The following AHCY variants were observed in gnomAD, a reference collection of about 807,000 sequenced individuals.
AHCY encodes the protein adenosylhomocysteinase, also known as S-adenosyl-L-homocysteine hydrolase.
AHCY carries 24 observed loss-of-function variants against 45.4 expected under a neutral mutation model. That is an observed-to-expected ratio of 0.53 (90% CI 0.38 to 0.74). The LOEUF (loss-of-function observed/expected upper bound fraction) is 0.74. Ranked by LOEUF, AHCY falls within the 30% of genes least tolerant of loss-of-function variation. AHCY has a pLI of 0.00. For missense variants in AHCY, 449 were observed against 594.1 expected, an observed-to-expected ratio of 0.76 and a Z score of 2.54; for synonymous variants, 245 against 235.1, an observed-to-expected ratio of 1.04 and a Z score of -0.39.
chr20:34,260,339 C>G, the AHCY span: 27 of 1,599,094 alleles, frequency 1.7e-5, no homozygotes, highest in Non-Finnish European at 2.2e-5. Flanking sequence ...ACCCACCCAC[C>G]TGACCACCTT....
At chr20:34,258,792 G>T in the AHCY span, among the ~76,000 whole-genome samples, 2 of 103,288 alleles carry the variant, frequency 1.9e-5, no homozygotes, top group Non-Finnish European at 3.8e-5. Context: ...TATATATAGT[G>T]TATATATAAT....
chr20:34,293,367 C>T (rs767760194), intron 3 of AHCY: 1 of 157,284 alleles, frequency 6.4e-6, no homozygotes, highest in Non-Finnish European at 1.4e-5. Context: ...CTGCTTCTAC[C>T]CACAACTGGA....
the AHCY span, among the ~76,000 whole-genome samples, chr20:34,269,962 A>AC: frequency 6.8e-6 from 1 of 147,938 alleles, no homozygotes; most frequent in Non-Finnish European, 1.5e-5. Context: ...AAAAAAAAAA[A>AC]AAAAAAAAAA....
chr20:34,258,688 T>TATATATATATATATATATATACATAC, the AHCY span, among the ~76,000 whole-genome samples: 1 of 66,574 alleles, frequency 1.5e-5, no homozygotes, highest in South Asian at 4.0e-4. Flanking sequence ...TATATATATA[T>TATATATATATATATATATATACATAC]ATACATACTA....
Position 34,290,324 on chromosome 20 carries a change from C to T in AHCY, c.972+8G>A, listed in dbSNP as rs1220361113. The T allele has an allele frequency of 6.2e-7, 1 of 1,613,690 alleles. No individual in the cohort carries two copies. Among genetic ancestry groups the T allele is most frequent in the Non-Finnish European group, 8.5e-7 (1 of 1,179,882 alleles). Reference sequence around the variant, plus strand: ...GCCCAGCCCACTGGCAAGGCGGGAGCTTCTCACCTGCGGCTTGATGTTCAC... The same window carrying T: ...GCCCAGCCCACTGGCAAGGCGGGAGTTTCTCACCTGCGGCTTGATGTTCAC... On this transcript the variant is annotated splice_region_variant and intron_variant, in intron 8 of 9. Transcript: ENST00000217426. This position sits in a 1 kb window ranked among gnomAD's most constrained non-coding sequence, Gnocchi z 4.5.
intron 1 of AHCY, chr20:34,302,726 GGCCCAAAGTCCCA>G (rs1437293961): frequency 1.7e-5 from 17 of 988,818 alleles, no homozygotes; most frequent in Non-Finnish European, 2.0e-5. Flanking sequence ...TTGGGTAACT[GGCCCAAAGTCCCA>G]GGGGAGAGGA....
chr20:34,302,761 G>C (rs1402248750), intron 1 of AHCY: 1 of 991,856 alleles, frequency 1.0e-6, no homozygotes, highest in African/African-American at 1.7e-5. Flanking sequence ...GATCGGAGCC[G>C]GCCTGGGGCT....
At chr20:34,235,873 GGAA>G in the AHCY span, among the ~76,000 whole-genome samples, 1 of 81,004 alleles carries the variant, frequency 1.2e-5, no homozygotes, top group African/African-American at 6.4e-5. Flanking sequence ...AGGAAAGGAA[GGAA>G]GGAAGGAAGG....
At chr20:34,291,318 C>A in intron 5 of AHCY, 101 bp downstream of exon 5, 1 of 1,126,412 alleles carries the variant, frequency 8.9e-7, no homozygotes, top group South Asian at 1.2e-5. Flanking sequence ...CAAATGAGGG[C>A]TTCATGTCCC....
chr20:34,248,377 A>G, the AHCY span, among the ~76,000 whole-genome samples: 2 of 152,332 alleles, frequency 1.3e-5, no homozygotes, highest in Non-Finnish European at 2.9e-5. Flanking sequence ...CTTTTAAGTT[A>G]TAAAAATCCC....
At chr20:34,259,310 C>T in the AHCY span, among the ~76,000 whole-genome samples, 3 of 151,912 alleles carry the variant, frequency 2.0e-5, no homozygotes, top group Non-Finnish European at 4.4e-5. Flanking sequence ...GACAAGAGTT[C>T]GAGACCAGCC....
At chr20:34,302,981 G>A in intron 1 of AHCY, 2 of 985,442 alleles carry the variant, frequency 2.0e-6, no homozygotes, top group Non-Finnish European at 1.2e-6. Context: ...GGAGCACGCC[G>A]CCAGTTTGCG....
upstream of AHCY, among the ~76,000 whole-genome samples, chr20:34,304,716 T>C (rs1480105254): frequency 6.6e-6 from 1 of 151,630 alleles, no homozygotes; most frequent in Non-Finnish European, 1.5e-5. Context: ...GAGATAGAGT[T>C]TGGCGCTTGT....
chr20:34,267,293 G>A, the AHCY span, among the ~76,000 whole-genome samples: 2 of 151,896 alleles, frequency 1.3e-5, no homozygotes, highest in South Asian at 4.2e-4. Context: ...CTGAAGGGAA[G>A]AGTGGTCTGG....
the AHCY span, among the ~76,000 whole-genome samples, chr20:34,235,899 A>AAGGAGGAGGGAGGGAAGAAAG: frequency 1.5e-5 from 1 of 64,600 alleles, no homozygotes; most frequent in Non-Finnish European, 2.5e-5. Context: ...GGAAGGAAGG[A>AAGGAGGAGGGAGGGAAGAAAG]AAGGAAGGAA....
At chr20:34,278,733 T>C (rs1051436094), downstream of AHCY, among the ~76,000 whole-genome samples, 2 of 152,136 alleles carry the variant, frequency 1.3e-5, no homozygotes, top group Admixed American at 6.5e-5. Context: ...TTCAAGTCTC[T>C]ATGAGGAATA....
At chr20:34,303,668 G>A (rs1418966207), upstream of AHCY, among the ~76,000 whole-genome samples, 1 of 152,206 alleles carries the variant, frequency 6.6e-6, no homozygotes, top group Non-Finnish European at 1.5e-5. Context: ...TGTAAAATGG[G>A]CCAAATGACA....
At chr20:34,280,221 A>G (rs1029408114), downstream of AHCY, 1 of 152,254 alleles carries the variant, frequency 6.6e-6, no homozygotes, top group Non-Finnish European at 1.5e-5. Flanking sequence ...TATTCATGGC[A>G]TACATTGTTG....
chr20:34,261,093 C>T, the AHCY span, among the ~76,000 whole-genome samples: 4 of 152,212 alleles, frequency 2.6e-5, no homozygotes, highest in Non-Finnish European at 5.9e-5. Context: ...GTAACTAGCA[C>T]GGATCACACA....
Sources: gnomAD v4.1 joint callset for allele counts (sites outside exome capture counted in the v4.1 genomes callset) on GRCh38, gnomAD v4.1.1 for gene constraint, Gnocchi (gnomAD v3.1) non-coding constraint, MANE v1.5 for transcripts, NCBI Gene and HGNC (gene_info 2026-07-23, HGNC 2026-07-21) for gene names.